FTO: variants seen among roughly 807,000 people sequenced by gnomAD.
The protein encoded by FTO is FTO alpha-ketoglutarate dependent dioxygenase, also known as alpha-ketoglutarate-dependent dioxygenase FTO.
FTO carries 47 observed loss-of-function variants against 63.9 expected under a neutral mutation model. The observed-to-expected ratio is 0.74, with a 90% CI of 0.58 to 0.94. FTO has a LOEUF of 0.94. FTO is among the 40% of genes least tolerant of loss of function. The probability of loss-of-function intolerance (pLI) is 0.00; values close to 1 mark genes in which losing one functional copy is unlikely to be tolerated. For synonymous variants in FTO, 207 were observed against 224.4 expected (o/e 0.92, Z 0.69); for missense variants, 562 against 618.1 (o/e 0.91, Z 0.96).
intron 8 of FTO, among the ~76,000 whole-genome samples, chr16:54,000,740 A>T (rs543969135): frequency 6.6e-6 from 1 of 152,354 alleles, no homozygotes; most frequent in African/African-American, 2.4e-5. Flanking sequence ...AGACAACACG[A>T]TATGATTAAA....
Position 53,791,504 on chromosome 16 carries a change from GTC to G in FTO, c.46-18633_46-18632del, listed in dbSNP as rs1210016838. On this transcript the variant is annotated intron_variant, in intron 1 of 8. Transcript: ENST00000471389. ...GGAGAGCCTGGTCCTTCGTTATTAT[GTC>G]TCAGATTGAAGTTTTATATTTTACA... Among the ~76,000 whole-genome samples the G allele has an allele frequency of 3.9e-5, 6 of 152,240 alleles. No homozygotes were observed. The South Asian group carries it at 6.2e-4, about 16-fold the overall frequency.
chr16:54,081,494 C>T (rs534703786), intron 8 of FTO, among the ~76,000 whole-genome samples: 1 of 152,330 alleles, frequency 6.6e-6, no homozygotes, highest in Admixed American at 6.5e-5. Flanking sequence ...GAGTCTCCCA[C>T]TGTCTTCCAC....
intron 8 of FTO, among the ~76,000 whole-genome samples, chr16:54,100,504 C>A (rs2086616745): frequency 6.6e-6 from 1 of 152,096 alleles, no homozygotes. Context: ...AGCTGCCCGC[C>A]ATCATGGCTG....
intron 8 of FTO, among the ~76,000 whole-genome samples, chr16:54,091,107 T>A (rs1192484015): frequency 6.6e-6 from 1 of 151,824 alleles, no homozygotes; most frequent in Non-Finnish European, 1.5e-5. Context: ...AATGCAGGAG[T>A]GAGTGCTGGA....
intron 8 of FTO, among the ~76,000 whole-genome samples, chr16:54,058,090 TGGA>T: frequency 6.6e-6 from 1 of 152,156 alleles, no homozygotes; most frequent in South Asian, 2.1e-4. Context: ...ACAGATGTTA[TGGA>T]GGAGAATTTA....
intron 7 of FTO, among the ~76,000 whole-genome samples, chr16:53,891,183 G>T (rs1291714552): frequency 4.6e-5 from 7 of 151,494 alleles, no homozygotes; most frequent in African/African-American, 1.5e-4. Context: ...GTAGAGATGG[G>T]GTTTCACCAT....
chr16:54,009,757 T>TA (rs2084295299), intron 8 of FTO, among the ~76,000 whole-genome samples: 1 of 152,160 alleles, frequency 6.6e-6, no homozygotes, highest in African/African-American at 2.4e-5. Context: ...ACGTCCAAGA[T>TA]ACGCATCTGG....
At chr16:53,768,990 C>T (rs1447162729) in intron 1 of FTO, among the ~76,000 whole-genome samples, 1 of 152,108 alleles carries the variant, frequency 6.6e-6, no homozygotes, top group Non-Finnish European at 1.5e-5. Flanking sequence ...TATTAGCTGC[C>T]TTCCAGAGAC....
At chr16:53,937,198 A>G in intron 8 of FTO, 1 of 398,548 alleles carries the variant, frequency 2.5e-6, no homozygotes, top group Non-Finnish European at 4.4e-6. Context: ...GTAATCCCAT[A>G]AACAACCCTC....
chr16:53,958,120 A>G (rs974795133), intron 8 of FTO, among the ~76,000 whole-genome samples: 2 of 152,240 alleles, frequency 1.3e-5, no homozygotes, highest in Admixed American at 1.3e-4. Flanking sequence ...TTTCCCAAGT[A>G]GGTCAATCCA....
chr16:54,097,206 A>G (rs1368840945), intron 8 of FTO, among the ~76,000 whole-genome samples: 1 of 152,164 alleles, frequency 6.6e-6, no homozygotes, highest in Non-Finnish European at 1.5e-5. Context: ...CCAGAAAGTC[A>G]CAGTTTTGCC....
chr16:53,995,392 C>A (rs11864881), intron 8 of FTO, among the ~76,000 whole-genome samples: 59,151 of 151,990 alleles, frequency 0.39, 12,099 homozygotes, highest in South Asian at 0.46. Flanking sequence ...AAAAGTCATT[C>A]GTCAGCCCAC....
At chr16:54,058,091 G>A (rs2085480556) in intron 8 of FTO, among the ~76,000 whole-genome samples, 1 of 151,986 alleles carries the variant, frequency 6.6e-6, no homozygotes, top group East Asian at 1.9e-4. Context: ...CAGATGTTAT[G>A]GAGGAGAATT....
chr16:53,994,343 T>C (rs1398682107), intron 8 of FTO: 1 of 152,054 alleles, frequency 6.6e-6, no homozygotes, highest in Non-Finnish European at 1.5e-5. Flanking sequence ...GGATTCTTTC[T>C]TTTTATTATT....
chr16:53,825,522 T>G (rs2078980315), intron 2 of FTO, among the ~76,000 whole-genome samples: 1 of 152,146 alleles, frequency 6.6e-6, no homozygotes, highest in Non-Finnish European at 1.5e-5. Flanking sequence ...TAATAAATAT[T>G]TTAGATAATA....
Position 54,118,386 on chromosome 16 carries a change from G to T in FTO, c.*6471G>T, listed in dbSNP as rs560781910. 2.1e-5 allele frequency: 3 copies of T among 143,304 alleles called. No individual in the cohort carries two copies. The Admixed American group carries it at 2.2e-4, about 10-fold the overall frequency. The allele number at this position is 143,304 out of a possible 1,614,324, so 8.9% of individuals were successfully genotyped here. ...TTTTTCTTTTTTTTTTTCAGACAGG[G>T]TCTCACCCTGTCACGTAGGCTGGAG... On this transcript the variant is annotated 3_prime_UTR_variant, in exon 9 of 9. Transcript: ENST00000471389.
intron 7 of FTO, among the ~76,000 whole-genome samples, chr16:53,893,861 A>T (rs1267681859): frequency 6.6e-6 from 1 of 152,188 alleles, no homozygotes; most frequent in Non-Finnish European, 1.5e-5. Flanking sequence ...CTGTTCTGAC[A>T]ATTCCTTGTG....
chr16:53,932,001 A>C (rs1463278788), intron 7 of FTO, among the ~76,000 whole-genome samples: 1 of 152,196 alleles, frequency 6.6e-6, no homozygotes, highest in Non-Finnish European at 1.5e-5. Context: ...GGATCTGAAT[A>C]GTGCGTGCCT....
At chr16:53,721,375 A>G (rs1167706429) in intron 1 of FTO, among the ~76,000 whole-genome samples, 4 of 152,228 alleles carry the variant, frequency 2.6e-5, no homozygotes, top group Admixed American at 1.3e-4. Context: ...AAATTATAAA[A>G]TTGATAAAAA....
Sources: gnomAD v4.1 joint callset for allele counts (sites outside exome capture counted in the v4.1 genomes callset) on GRCh38, gnomAD v4.1.1 for gene constraint, MANE v1.5 for transcripts, NCBI Gene and HGNC (gene_info 2026-07-23, HGNC 2026-07-21) for gene names.